Variants in MYO1B observed in about 807,000 individuals in gnomAD.
The protein encoded by MYO1B is unconventional myosin-Ib.
MYO1B carries 72 observed loss-of-function variants against 159.7 expected under a neutral mutation model. The ratio of observed to expected loss-of-function variants is 0.45; its 90% CI spans 0.37 to 0.55. The LOEUF (loss-of-function observed/expected upper bound fraction) is 0.55. MYO1B is among the 20% of genes least tolerant of loss of function. MYO1B has a pLI of 0.00. For synonymous variants in MYO1B, 468 were observed against 473.8 expected, an observed-to-expected ratio of 0.99 and a Z score of 0.16; for missense variants, 1,062 against 1,364.8, an observed-to-expected ratio of 0.78 and a Z score of 3.50.
At position 191,418,794 on chromosome 2, in the gene MYO1B, A is replaced by G. The variant is rs538417722; in HGVS notation, c.3287+2552A>G. ...GTGAGCCACCGCGCCCAGCCTGTTC[A>G]GTGGAATTTAAACTTGTACATATAG... On this transcript the variant is annotated intron_variant, in intron 30 of 30. Transcript: ENST00000392318. 4.6e-5 allele frequency among the ~76,000 whole-genome samples: 7 copies of G among 152,116 alleles called. No homozygotes were observed. In the South Asian group the frequency reaches 1.2e-3, roughly 27 times the overall value.
intron 16 of MYO1B, 144 bp from the exon 17 acceptor site, chr2:191,387,077 CATT>C: frequency 1.4e-6 from 1 of 713,428 alleles, no homozygotes; most frequent in South Asian, 2.0e-5. Context: ...GAGGCGAACT[CATT>C]ATGAGAGTGT....
chr2:191,397,718 A>G (rs1382769820), intron 21 of MYO1B, among the ~76,000 whole-genome samples: 3 of 145,438 alleles, frequency 2.1e-5, no homozygotes, highest in African/African-American at 7.7e-5. Context: ...CACACCTCCC[A>G]GACGGGGTCG....
At chr2:191,248,003 A>G (rs1685888069) in intron 1 of MYO1B, 1 of 985,300 alleles carries the variant, frequency 1.0e-6, no homozygotes, top group Admixed American at 6.1e-5. Flanking sequence ...AAGAAGAGGG[A>G]GTGAGGTGAG....
chr2:191,417,699 G>A (rs1246713407), intron 30 of MYO1B, among the ~76,000 whole-genome samples: 1 of 152,206 alleles, frequency 6.6e-6, no homozygotes, highest in African/African-American at 2.4e-5. Context: ...TGCTTGTACA[G>A]GATGCTAATA....
At chr2:191,332,870 T>G (rs1691581531) in intron 4 of MYO1B, among the ~76,000 whole-genome samples, 1 of 152,150 alleles carries the variant, frequency 6.6e-6, no homozygotes, top group African/African-American at 2.4e-5. Context: ...TGTTGGTAAG[T>G]CTCCTTCAAC....
intron 1 of MYO1B, among the ~76,000 whole-genome samples, chr2:191,247,611 G>A (rs761047393): frequency 4.6e-5 from 7 of 152,206 alleles, no homozygotes; most frequent in Non-Finnish European, 7.3e-5. Flanking sequence ...CGTTGTGCTA[G>A]GGCAGCTAAC....
intron 3 of MYO1B, among the ~76,000 whole-genome samples, chr2:191,314,773 A>G (rs1690238589): frequency 6.6e-6 from 1 of 152,228 alleles, no homozygotes; most frequent in African/African-American, 2.4e-5. Context: ...AATTTTAGAA[A>G]AGATTACAGA....
chr2:191,420,795 C>T (rs1282772008), intron 30 of MYO1B, among the ~76,000 whole-genome samples: 1 of 152,162 alleles, frequency 6.6e-6, no homozygotes, highest in African/African-American at 2.4e-5. Context: ...TTAAGTTATA[C>T]AATTGGTTTT....
At chr2:191,380,027 T>G (rs1559216814) in intron 13 of MYO1B, among the ~76,000 whole-genome samples, 1 of 152,228 alleles carries the variant, frequency 6.6e-6, no homozygotes, top group African/African-American at 2.4e-5. Context: ...CTTCAAGACA[T>G]AAAACAAACA....
chr2:191,385,194 T>C (rs1353303897), intron 15 of MYO1B, among the ~76,000 whole-genome samples: 1 of 152,336 alleles, frequency 6.6e-6, no homozygotes, highest in East Asian at 1.9e-4. Context: ...TGACTACTCT[T>C]GGAATAAAAA....
intron 7 of MYO1B, among the ~76,000 whole-genome samples, chr2:191,359,898 T>G (rs1693555435): frequency 1.3e-5 from 2 of 152,194 alleles, no homozygotes; most frequent in Admixed American, 6.5e-5. Context: ...TCCTTCCTCC[T>G]TTCCCATTTG....
intron 1 of MYO1B, among the ~76,000 whole-genome samples, chr2:191,265,187 GT>G (rs34417586): frequency 0.03 from 4,135 of 136,104 alleles, 121 homozygotes; most frequent in African/African-American, 0.086. Flanking sequence ...GAAGGCCCCT[GT>G]TTTTTTTTTT....
At chr2:191,389,877 A>AT (rs1695636391) in intron 17 of MYO1B, among the ~76,000 whole-genome samples, 1 of 152,154 alleles carries the variant, frequency 6.6e-6, no homozygotes, top group South Asian at 2.1e-4. Flanking sequence ...AGTCCAGAAG[A>AT]TTCCCTTGTG....
Position 191,362,297 on chromosome 2 carries a change from A to G in MYO1B, c.691A>G (p.Arg231Gly). ...ACTTAAGCTTGAGAGGGATTTCAGC[A>G]GGTATAACTACCTGAGTCTGGATTC... is the stretch of plus-strand genomic sequence containing the variant. The part of the protein sequence containing the change: ...NKLKLERDFS[R>G]YNYLSLDSAK... Residue 231 changes from arginine (R) to glycine (G), a missense_variant, in exon 9 of 31, where the codon AGG becomes GGG. Physicochemically the swap from Arg to Gly is moderately radical, Grantham distance 125. This residue lies in a region of MYO1B where 415 missense variants were observed against 544.0 expected (regional missense o/e 0.76). Transcript: ENST00000392318. 6.2e-7 allele frequency: 1 copy of G among 1,613,878 alleles called. No homozygotes were observed. Among genetic ancestry groups the G allele is most frequent in the Non-Finnish European group, 8.5e-7 (1 of 1,179,812 alleles).
intron 21 of MYO1B, among the ~76,000 whole-genome samples, chr2:191,398,431 C>CT (rs1179944687): frequency 1.4e-5 from 2 of 145,070 alleles, no homozygotes; most frequent in East Asian, 4.2e-4. Context: ...TGACCCCCCC[C>CT]CACCTCCCTC....
chr2:191,350,806 T>TA (rs766542565), intron 7 of MYO1B, among the ~76,000 whole-genome samples: 3,762 of 127,206 alleles, frequency 0.03, 53 homozygotes, highest in Middle Eastern at 0.049. Flanking sequence ...TGTGAAAAGT[T>TA]AAAAAAAAAA....
chr2:191,320,121 G>A (rs1690605991), intron 3 of MYO1B, among the ~76,000 whole-genome samples: 1 of 152,050 alleles, frequency 6.6e-6, no homozygotes, highest in Non-Finnish European at 1.5e-5. Context: ...ACTTTTTTCT[G>A]GTCTTAGTAT....
At chr2:191,355,221 C>CA (rs571694018) in intron 7 of MYO1B, among the ~76,000 whole-genome samples, 14 of 152,238 alleles carry the variant, frequency 9.2e-5, no homozygotes, top group Non-Finnish European at 1.8e-4. Flanking sequence ...GGCTGCCAGC[C>CA]AGTCGCCAGC....
At position 191,350,184 on chromosome 2, in the gene MYO1B, T is replaced by G. The variant is rs772294497; in HGVS notation, c.521T>G (p.Phe174Cys). 1.9e-5 allele frequency: 30 copies of G among 1,612,774 alleles called. No homozygotes were observed. The highest frequency in any genetic ancestry group is 2.7e-5 in the African/African-American group (2 of 74,910). Residue 174 changes from phenylalanine to cysteine, a missense_variant, in exon 7 of 31, where the codon TTT becomes TGT. By Grantham distance (205) the Phe-to-Cys change is radical (BLOSUM62 -2). This residue lies in a region of MYO1B where 415 missense variants were observed against 544.0 expected (regional missense o/e 0.76). Coordinates refer to ENST00000392318, the MANE Select transcript of MYO1B (RefSeq NM_001130158.3). ...SRFGKYMDIE[F>C]DFKGDPLGGV... ...CAGGGCAAATATATGGATATTGAAT[T>G]TGACTTTAAAGGCGATCCACTAGGA...
Sources: gnomAD v4.1 joint callset for allele counts (sites outside exome capture counted in the v4.1 genomes callset) on GRCh38, gnomAD v4.1.1 for gene constraint, gnomAD v4.1.1 regional missense constraint, MANE v1.5 for transcripts, NCBI Gene and HGNC (gene_info 2026-07-23, HGNC 2026-07-21) for gene names.